The following TECRL variants were observed in gnomAD, a reference collection of about 807,000 sequenced individuals.
TECRL encodes trans-2,3-enoyl-CoA reductase like.
TECRL carries 63 observed loss-of-function variants against 52.8 expected under a neutral mutation model. That is an observed-to-expected ratio of 1.19 (90% CI 0.97 to 1.47). The LOEUF (loss-of-function observed/expected upper bound fraction) is 1.47. Among genes scored for constraint, TECRL ranks in the 40% most tolerant of loss-of-function variants. The pLI is 0.00. For missense variants in TECRL, 482 were observed against 429.6 expected (o/e 1.12, Z -1.08); for synonymous variants, 164 against 141.9 (o/e 1.16, Z -1.10).
intron 3 of TECRL, 69 bp downstream of exon 3, chr4:64,328,443 A>G (rs1718406380): frequency 2.2e-6 from 3 of 1,334,924 alleles, no homozygotes; most frequent in South Asian, 2.5e-5. Flanking sequence ...TGATAAGTGA[A>G]TGTCAGCTTT....
intron 1 of TECRL, among the ~76,000 whole-genome samples, chr4:64,400,332 T>C (rs1724268182): frequency 1.3e-5 from 2 of 152,174 alleles, no homozygotes; most frequent in South Asian, 4.1e-4. Flanking sequence ...TGCATGTAAC[T>C]AACTTGTTTT....
chr4:64,323,252 C>T (rs1016205463), intron 3 of TECRL, among the ~76,000 whole-genome samples: 3 of 151,696 alleles, frequency 2.0e-5, no homozygotes, highest in African/African-American at 7.3e-5. Flanking sequence ...AAAAAATTAG[C>T]CAGGCATGGT....
At chr4:64,355,804 A>AG (rs949281195) in intron 2 of TECRL, among the ~76,000 whole-genome samples, 10 of 80,412 alleles carry the variant, frequency 1.2e-4, no homozygotes, top group African/African-American at 3.2e-4. Context: ...CAAAAAAAAA[A>AG]AAGAATAAGT....
intron 2 of TECRL, among the ~76,000 whole-genome samples, chr4:64,351,548 C>T (rs1720389412): frequency 6.6e-6 from 1 of 152,000 alleles, no homozygotes; most frequent in African/African-American, 2.4e-5. Flanking sequence ...TCTGGGATTA[C>T]AAGAGTGAGT....
At chr4:64,398,645 C>G (rs1724135880) in intron 1 of TECRL, among the ~76,000 whole-genome samples, 2 of 152,124 alleles carry the variant, frequency 1.3e-5, no homozygotes, top group South Asian at 4.1e-4. Flanking sequence ...TTATAAATTA[C>G]CCAGTCTCAG....
chr4:64,400,968 C>A (rs1406461334), intron 1 of TECRL, among the ~76,000 whole-genome samples: 1 of 152,092 alleles, frequency 6.6e-6, no homozygotes, highest in African/African-American at 2.4e-5. Flanking sequence ...ATAAGTTTGC[C>A]CAGTGTCACA....
chr4:64,381,477 A>G (rs1722789903), intron 1 of TECRL, among the ~76,000 whole-genome samples: 1 of 151,846 alleles, frequency 6.6e-6, no homozygotes, highest in African/African-American at 2.4e-5. Flanking sequence ...CTTAGATAAA[A>G]GGCTGTCGTT....
chr4:64,277,518 G>A (rs1451958238), downstream of TECRL, among the ~76,000 whole-genome samples: 1 of 151,606 alleles, frequency 6.6e-6, no homozygotes, highest in Non-Finnish European at 1.5e-5. Flanking sequence ...GTATGCTTTG[G>A]GAATTATAAG....
chr4:64,287,458 A>C (rs907354359), intron 9 of TECRL, among the ~76,000 whole-genome samples: 1 of 152,126 alleles, frequency 6.6e-6, no homozygotes, highest in African/African-American at 2.4e-5. Flanking sequence ...AAGAAATTCA[A>C]GTTGATGTTG....
intron 4 of TECRL, among the ~76,000 whole-genome samples, chr4:64,320,818 C>T (rs184277221): frequency 3.9e-5 from 6 of 152,128 alleles, no homozygotes; most frequent in Admixed American, 1.3e-4. Context: ...CATTTAAGTA[C>T]AGTATTAAAA....
At chr4:64,300,091 G>C (rs1723927869) in intron 7 of TECRL, 74 bp from the exon 8 acceptor site, 5 of 1,170,860 alleles carry the variant, frequency 4.3e-6, no homozygotes, top group Non-Finnish European at 6.1e-6. Context: ...CATAATTCAG[G>C]CAGTATTTAT....
At chr4:64,395,063 G>A (rs181452043) in intron 1 of TECRL, among the ~76,000 whole-genome samples, 148 of 149,876 alleles carry the variant, frequency 9.9e-4, no homozygotes, top group Non-Finnish European at 1.4e-3. Flanking sequence ...CAGGCACCTC[G>A]TCCACACCTG....
chr4:64,364,127 C>T (rs911527959), intron 2 of TECRL, among the ~76,000 whole-genome samples: 17 of 151,892 alleles, frequency 1.1e-4, no homozygotes, highest in Non-Finnish European at 2.4e-4. Context: ...CATATATCTA[C>T]GTAGAAATTA....
chr4:64,280,088 AT>A lies in TECRL; in HGVS notation c.1075del (p.Ile359PhefsTer19), dbSNP rs1560466052. 1.3e-6 allele frequency: 2 copies of A among 1,593,702 alleles called. No homozygotes were observed. The highest frequency in any genetic ancestry group is 4.5e-5 in the East Asian group (2 of 44,476). On this transcript the variant is annotated frameshift_variant, in exon 12 of 12. Coordinates refer to ENST00000381210, the MANE Select transcript of TECRL (RefSeq NM_001010874.5). LOFTEE classifies it high-confidence loss of function. ...ATTCTTTTTTTACAATATGAATGGA[AT>A]CATTGCTGATTTTCTATGAATATAT... The part of the protein sequence containing the change: ...NSYIHRKSAM[I>X]PFIL
At chr4:64,308,915 A>G (rs1724504867) in intron 6 of TECRL, among the ~76,000 whole-genome samples, 1 of 152,230 alleles carries the variant, frequency 6.6e-6, no homozygotes, top group Admixed American at 6.5e-5. Flanking sequence ...AAAATAAAAC[A>G]TAAATTATCA....
chr4:64,349,870 T>C (rs1049605983), intron 2 of TECRL, among the ~76,000 whole-genome samples: 4 of 152,126 alleles, frequency 2.6e-5, no homozygotes, highest in Non-Finnish European at 4.4e-5. Context: ...AGAGTAATAG[T>C]GTGGTTGAAA....
At chr4:64,364,596 A>G (rs1056540758) in intron 2 of TECRL, among the ~76,000 whole-genome samples, 1 of 152,052 alleles carries the variant, frequency 6.6e-6, no homozygotes, top group Non-Finnish European at 1.5e-5. Context: ...AAGAAATACA[A>G]AAAGAAACTC....
At chr4:64,392,078 A>G (rs1356824704) in intron 1 of TECRL, among the ~76,000 whole-genome samples, 1 of 151,908 alleles carries the variant, frequency 6.6e-6, no homozygotes, top group Non-Finnish European at 1.5e-5. Flanking sequence ...TCTGCCCTGC[A>G]TTCTCCTCAC....
chr4:64,377,321 C>A (rs535469457), intron 1 of TECRL, among the ~76,000 whole-genome samples: 28 of 151,986 alleles, frequency 1.8e-4, no homozygotes, highest in African/African-American at 6.7e-4. Context: ...CTTTTCAGTC[C>A]TTTAGTTGTA....
Sources: allele counts gnomAD v4.1 joint callset (sites outside exome capture counted in the v4.1 genomes callset), GRCh38; gene constraint gnomAD v4.1.1; transcripts MANE v1.5; gene names NCBI Gene and HGNC (gene_info 2026-07-23, HGNC 2026-07-21).